CDH18: variants seen among roughly 807,000 people sequenced by gnomAD.
CDH18 encodes cadherin 18, also known as cadherin-18.
A neutral mutation model predicts 67.9 loss-of-function variants in CDH18; 31 were observed. The observed-to-expected ratio is 0.46, with a 90% CI of 0.34 to 0.62. CDH18 has a LOEUF of 0.62. Among genes scored for constraint, CDH18 ranks in the 20% least tolerant of loss-of-function variants. The pLI is 0.01. For missense variants in CDH18, 890 were observed against 975.5 expected, an observed-to-expected ratio of 0.91 and a Z score of 1.17; for synonymous variants, 362 against 347.2, an observed-to-expected ratio of 1.04 and a Z score of -0.48.
intron 1 of CDH18, among the ~76,000 whole-genome samples, chr5:20,564,260 T>TTTTTTTTATTTA (rs1554020092): frequency 4.2e-5 from 6 of 141,596 alleles, no homozygotes; most frequent in Non-Finnish European, 9.1e-5. Context: ...ATTATCACAG[T>TTTTTTTTATTTA]TTTATTTATT....
chr5:19,899,341 A>T (rs1332471818), intron 2 of CDH18, among the ~76,000 whole-genome samples: 1 of 151,494 alleles, frequency 6.6e-6, no homozygotes, highest in Non-Finnish European at 1.5e-5. Flanking sequence ...CAGAGGTCAC[A>T]GTGAGCCGAG....
chr5:20,447,325 G>A (rs191046700), intron 1 of CDH18, among the ~76,000 whole-genome samples: 57 of 151,770 alleles, frequency 3.8e-4, no homozygotes, highest in Admixed American at 8.5e-4. Flanking sequence ...AAGCCTTTAA[G>A]AGATGATTAG....
intron 2 of CDH18, among the ~76,000 whole-genome samples, chr5:20,042,108 G>T (rs1236460953): frequency 6.6e-6 from 1 of 152,210 alleles, no homozygotes; most frequent in Non-Finnish European, 1.5e-5. Flanking sequence ...ACACTGACAT[G>T]TTCTAAAGCC....
At chr5:19,844,127 T>C (rs1397376119) in intron 2 of CDH18, among the ~76,000 whole-genome samples, 5 of 152,142 alleles carry the variant, frequency 3.3e-5, no homozygotes, top group South Asian at 2.1e-4. Context: ...AGAATTAAGA[T>C]TTTTCAGGGA....
intron 1 of CDH18, among the ~76,000 whole-genome samples, chr5:20,563,396 T>A (rs1466563645): frequency 6.6e-6 from 1 of 152,118 alleles, no homozygotes; most frequent in Non-Finnish European, 1.5e-5. Context: ...AGAATAGGAA[T>A]ATACTTTTAT....
chr5:20,183,526 G>A (rs754653108), intron 2 of CDH18, among the ~76,000 whole-genome samples: 1 of 151,642 alleles, frequency 6.6e-6, no homozygotes, highest in Non-Finnish European at 1.5e-5. Context: ...AAATATAGCA[G>A]AAAAAAAGAA....
intron 5 of CDH18, among the ~76,000 whole-genome samples, chr5:19,667,507 T>TAC (rs35326145): frequency 0.55 from 70,503 of 128,726 alleles, 19,283 homozygotes; most frequent in South Asian, 0.72. Context: ...TATATATATA[T>TAC]ACACACACAC....
intron 2 of CDH18, among the ~76,000 whole-genome samples, chr5:20,108,768 G>A (rs922343981): frequency 6.6e-6 from 1 of 152,018 alleles, no homozygotes; most frequent in African/African-American, 2.4e-5. Context: ...CTTATCATAT[G>A]TCACAGATTT....
At chr5:19,543,492 TTTTC>T (rs1412795273) in intron 9 of CDH18, among the ~76,000 whole-genome samples, 3 of 152,160 alleles carry the variant, frequency 2.0e-5, no homozygotes, top group East Asian at 1.9e-4. Flanking sequence ...AATTATACAT[TTTTC>T]TTTCTTTCTT....
intron 2 of CDH18, among the ~76,000 whole-genome samples, chr5:20,069,282 A>G (rs1308793988): frequency 6.6e-6 from 1 of 152,016 alleles, no homozygotes; most frequent in Non-Finnish European, 1.5e-5. Context: ...TTTTTGCCAT[A>G]AGTAGCTTCT....
chr5:20,405,738 C>T (rs961090128), intron 1 of CDH18, among the ~76,000 whole-genome samples: 10 of 151,950 alleles, frequency 6.6e-5, no homozygotes, highest in Non-Finnish European at 1.0e-4. Context: ...AACAAATTTA[C>T]AAGAAAATAA....
chr5:20,373,908 A>G (rs2150088702), intron 1 of CDH18, among the ~76,000 whole-genome samples: 1 of 152,332 alleles, frequency 6.6e-6, no homozygotes, highest in Non-Finnish European at 1.5e-5. Context: ...AAACACTTTT[A>G]TAAAATTCAG....
intron 1 of CDH18, among the ~76,000 whole-genome samples, chr5:20,400,872 C>A (rs1363574027): frequency 6.6e-6 from 1 of 152,154 alleles, no homozygotes; most frequent in South Asian, 2.1e-4. Context: ...ATCCCTTATA[C>A]TGAAACTTAT....
intron 1 of CDH18, among the ~76,000 whole-genome samples, chr5:20,328,033 T>G (rs1238612851): frequency 6.6e-6 from 1 of 152,024 alleles, no homozygotes; most frequent in Non-Finnish European, 1.5e-5. Flanking sequence ...AGACTTAGCA[T>G]GTTAGAAAAT....
intron 1 of CDH18, among the ~76,000 whole-genome samples, chr5:20,337,385 G>C (rs375995915): frequency 6.6e-6 from 1 of 152,058 alleles, no homozygotes. Flanking sequence ...CACCCAAGTC[G>C]CCTTTAGCAG....
chr5:20,379,376 A>G (rs1259811440), intron 1 of CDH18, among the ~76,000 whole-genome samples: 1 of 152,216 alleles, frequency 6.6e-6, no homozygotes, highest in South Asian at 2.1e-4. Flanking sequence ...TAACAGTGAC[A>G]AATGCCAACT....
At chr5:19,963,719 T>G (rs1465086164) in intron 2 of CDH18, among the ~76,000 whole-genome samples, 2 of 151,956 alleles carry the variant, frequency 1.3e-5, no homozygotes, top group Non-Finnish European at 2.9e-5. Context: ...TACCCAGTAT[T>G]GGGTATGTCT....
chr5:19,645,508 A>G (rs1430195517), intron 5 of CDH18, among the ~76,000 whole-genome samples: 1 of 152,210 alleles, frequency 6.6e-6, no homozygotes, highest in African/African-American at 2.4e-5. Context: ...TCCATTCTGC[A>G]TGAAGCATTG....
chr5:20,373,830 TG>T (rs1478837874), intron 1 of CDH18, among the ~76,000 whole-genome samples: 1 of 152,090 alleles, frequency 6.6e-6, no homozygotes, highest in Non-Finnish European at 1.5e-5. Context: ...ATTGACAATC[TG>T]TACAATTTCT....
Sources: allele counts gnomAD v4.1 joint callset (sites outside exome capture counted in the v4.1 genomes callset), GRCh38; gene constraint gnomAD v4.1.1; transcripts MANE v1.5; gene names NCBI Gene and HGNC (gene_info 2026-07-23, HGNC 2026-07-21).